The following ARHGAP42 variants were observed in gnomAD, a reference collection of about 807,000 sequenced individuals.
ARHGAP42 encodes the protein Rho GTPase activating protein 42.
ARHGAP42 carries 63 observed loss-of-function variants against 125.0 expected under a neutral mutation model. That is an observed-to-expected ratio of 0.50 (90% CI 0.41 to 0.62). ARHGAP42 has a LOEUF of 0.62. Among genes scored for constraint, ARHGAP42 ranks in the 20% least tolerant of loss-of-function variants. The pLI, the probability that ARHGAP42 is intolerant of heterozygous loss-of-function variation, is 0.00. For missense variants in ARHGAP42, 766 were observed against 1,024.2 expected, an observed-to-expected ratio of 0.75 and a Z score of 3.44; for synonymous variants, 339 against 351.0, an observed-to-expected ratio of 0.97 and a Z score of 0.38.
chr11:100,749,150 G>T (rs547568841), intron 1 of ARHGAP42, among the ~76,000 whole-genome samples: 2 of 152,138 alleles, frequency 1.3e-5, no homozygotes, highest in African/African-American at 4.8e-5. Context: ...GAAAGGAAAG[G>T]GGAGTTCTGA....
rs146288869 is a variant in ARHGAP42 at position 100,713,368 on chromosome 11, C to T, written c.154+25536C>T. ...GACTTGGAAATCATGAAACAAACTG[C>T]TACAGTCTTGTAAGATCTGCCATTG... On this transcript the variant is annotated intron_variant, in intron 1 of 23. Transcript: ENST00000298815. Among the ~76,000 whole-genome samples the T allele has an allele frequency of 7.3e-3, 1,104 of 152,258 alleles. 12 individuals carry two copies. The highest frequency in any genetic ancestry group is 0.025 in the African/African-American group (1,036 of 41,544).
intron 3 of ARHGAP42, among the ~76,000 whole-genome samples, chr11:100,846,526 A>C (rs915975666): frequency 2.0e-5 from 3 of 152,116 alleles, no homozygotes; most frequent in African/African-American, 7.2e-5. Flanking sequence ...CCCCACTTCC[A>C]ACCAATAAGC....
At chr11:100,772,586 T>C (rs1863008960) in intron 2 of ARHGAP42, among the ~76,000 whole-genome samples, 1 of 152,154 alleles carries the variant, frequency 6.6e-6, no homozygotes, top group Admixed American at 6.5e-5. Flanking sequence ...ATGCATGACT[T>C]CTTCCTCCTC....
chr11:100,775,373 G>T (rs1863094611), intron 2 of ARHGAP42, among the ~76,000 whole-genome samples: 1 of 142,346 alleles, frequency 7.0e-6, no homozygotes, highest in African/African-American at 2.6e-5. Flanking sequence ...TATTTATAGG[G>T]GTAGACCAAA....
chr11:100,712,126 A>G (rs1485895802), intron 1 of ARHGAP42, among the ~76,000 whole-genome samples: 2 of 152,110 alleles, frequency 1.3e-5, no homozygotes, highest in African/African-American at 4.8e-5. Context: ...TTCTAAAGGA[A>G]CCTTGAGTTT....
intron 8 of ARHGAP42, among the ~76,000 whole-genome samples, chr11:100,936,966 C>T (rs1944435): frequency 0.092 from 14,083 of 152,258 alleles, 945 homozygotes; most frequent in Non-Finnish European, 0.13. Flanking sequence ...GCTTTCAAAC[C>T]GGATATGCCC....
intron 3 of ARHGAP42, among the ~76,000 whole-genome samples, chr11:100,817,150 G>A (rs1311604382): frequency 1.3e-5 from 2 of 152,198 alleles, no homozygotes; most frequent in Admixed American, 1.3e-4. Flanking sequence ...TGAGCAGGGT[G>A]CTTTCCTATT....
Position 100,992,131 on chromosome 11 carries a change from T to TTTGAAA in ARHGAP42, c.*3333_*3334insAAATTG. ...TCAGTTTAGAAGAGTCCCTCAGAGC[T>TTTGAAA]TTGCCTCAAGCAATTTCAAATTGTA... is the stretch of plus-strand genomic sequence containing the variant. On this transcript the variant is annotated 3_prime_UTR_variant, in exon 24 of 24. Transcript: ENST00000298815. 1 of 657,648 alleles carries TTTGAAA rather than the reference T, an allele frequency of 1.5e-6. No individual in the cohort carries two copies. The highest frequency in any genetic ancestry group is 2.2e-5 in the South Asian group (1 of 46,480). The allele number at this position is 657,648 out of a possible 1,614,324, so 40.7% of individuals were successfully genotyped here.
At chr11:100,792,319 A>C (rs1591184466) in intron 2 of ARHGAP42, among the ~76,000 whole-genome samples, 1 of 152,180 alleles carries the variant, frequency 6.6e-6, no homozygotes, top group African/African-American at 2.4e-5. Flanking sequence ...CATTTGTAGC[A>C]TGTTTTATTC....
chr11:100,810,672 C>G (rs565537592), intron 3 of ARHGAP42, among the ~76,000 whole-genome samples: 2 of 152,298 alleles, frequency 1.3e-5, no homozygotes, highest in South Asian at 4.1e-4. Context: ...ACTTTTAATT[C>G]TATTCACTTT....
At chr11:100,735,567 G>C (rs945285792) in intron 1 of ARHGAP42, among the ~76,000 whole-genome samples, 3 of 151,254 alleles carry the variant, frequency 2.0e-5, no homozygotes, top group Admixed American at 2.0e-4. Context: ...AAAAAACTGG[G>C]GAAAGGTTGG....
At chr11:100,911,564 A>G (rs1565272316) in intron 4 of ARHGAP42, among the ~76,000 whole-genome samples, 1 of 152,152 alleles carries the variant, frequency 6.6e-6, no homozygotes, top group Non-Finnish European at 1.5e-5. Flanking sequence ...AGGATCATGG[A>G]TAGGGAGCTG....
intron 1 of ARHGAP42, among the ~76,000 whole-genome samples, chr11:100,708,217 A>G (rs1034979214): frequency 6.6e-6 from 1 of 152,196 alleles, no homozygotes; most frequent in Non-Finnish European, 1.5e-5. Flanking sequence ...TGGTACATAG[A>G]AATCAATAAT....
chr11:100,733,957 T>C (rs1862009861), intron 1 of ARHGAP42, among the ~76,000 whole-genome samples: 1 of 140,924 alleles, frequency 7.1e-6, no homozygotes, highest in African/African-American at 2.7e-5. Context: ...TTTTTTTAAA[T>C]GGAGTCTAGC....
chr11:100,960,025 T>C (rs74636220), intron 13 of ARHGAP42, 80 bp downstream of exon 13: 7 of 1,254,908 alleles, frequency 5.6e-6, no homozygotes, highest in African/African-American at 4.5e-5. Flanking sequence ...AGATAAATCA[T>C]TGAAGATGTA....
chr11:100,774,974 A>T (rs1183273412), intron 2 of ARHGAP42, among the ~76,000 whole-genome samples: 1 of 152,126 alleles, frequency 6.6e-6, no homozygotes, highest in Non-Finnish European at 1.5e-5. Flanking sequence ...CCTGTGGCTC[A>T]GAGAGCAGGT....
At position 100,941,809 on chromosome 11, in the gene ARHGAP42, A is replaced by G; in HGVS notation, c.858A>G (p.Lys286=). 1 of 1,528,808 alleles carries G rather than the reference A, an allele frequency of 6.5e-7. No individual in the cohort carries two copies. The allele number at this position is 1,528,808 out of a possible 1,614,324, so 94.7% of individuals were successfully genotyped here. A position where few individuals can be genotyped will look rare whatever the true frequency, so the allele number is the denominator to read the frequency against. The change falls in exon 9 of 24, where the codon AAA becomes AAG. Residue 286 remains lysine (K), a synonymous_variant. Coordinates refer to ENST00000298815, the MANE Select transcript of ARHGAP42 (RefSeq NM_152432.4). The part of the protein sequence containing the change: ...EKRPLGFTWI[K]HYCTYDKGSK... ...GACCGCTTGGTTTTACATGGATTAA[A>G]CATTATTGTACATATGATAAGGGAA...
intron 15 of ARHGAP42, 85 bp downstream of exon 15, chr11:100,961,853 T>C: frequency 8.8e-7 from 1 of 1,139,062 alleles, no homozygotes. Context: ...TTGGAGCCTG[T>C]GTCCAGAAGC....
chr11:100,690,349 T>A (rs1021788359), intron 1 of ARHGAP42, among the ~76,000 whole-genome samples: 6 of 152,204 alleles, frequency 3.9e-5, no homozygotes, highest in African/African-American at 1.4e-4. Context: ...ATTATTTTTA[T>A]CCCTGTTGTT....
Sources: allele counts gnomAD v4.1 joint callset (sites outside exome capture counted in the v4.1 genomes callset), GRCh38; gene constraint gnomAD v4.1.1; transcripts MANE v1.5; gene names NCBI Gene and HGNC (gene_info 2026-07-23, HGNC 2026-07-21).